The following PYROXD2 variants were observed in gnomAD, a reference collection of about 807,000 sequenced individuals.
PYROXD2 encodes pyridine nucleotide-disulphide oxidoreductase domain 2, also known as pyridine nucleotide-disulfide oxidoreductase domain-containing protein 2.
Under a neutral mutation model 71.1 loss-of-function variants are expected in PYROXD2, and 69 were observed. The observed-to-expected ratio is 0.97, with a 90% confidence interval of 0.80 to 1.19. PYROXD2 has a LOEUF of 1.19. PYROXD2 is among the 50% of genes most tolerant of loss of function. PYROXD2 has a pLI of 0.00. For synonymous variants in PYROXD2, 287 were observed against 302.7 expected, an observed-to-expected ratio of 0.95 and a Z score of 0.54; for missense variants, 745 against 748.9, an observed-to-expected ratio of 0.99 and a Z score of 0.06.
At chr10:98,411,072 G>A (rs968633243) in intron 1 of PYROXD2, 114 bp from the exon 2 acceptor site, 2 of 1,467,366 alleles carry the variant, frequency 1.4e-6, no homozygotes, top group Admixed American at 2.0e-5. Context: ...AAGATCCTTG[G>A]TGACCCTCCC....
intron 4 of PYROXD2, among the ~76,000 whole-genome samples, chr10:98,402,618 G>C (rs1843453017): frequency 1.3e-5 from 2 of 152,198 alleles, no homozygotes; most frequent in African/African-American, 4.8e-5. Flanking sequence ...GGCCTGTGCC[G>C]CCTCCAGTTT....
At chr10:98,395,520 G>A in intron 6 of PYROXD2, 68 bp from the exon 7 acceptor site, 5 of 1,398,090 alleles carry the variant, frequency 3.6e-6, no homozygotes, top group Non-Finnish European at 4.1e-6. Context: ...CCTGGCCTGG[G>A]GGATAAAAGC....
At chr10:98,413,788 T>C (rs757126457) in intron 1 of PYROXD2, among the ~76,000 whole-genome samples, 1 of 152,078 alleles carries the variant, frequency 6.6e-6, no homozygotes, top group Non-Finnish European at 1.5e-5. Context: ...TAAATCTTTG[T>C]TGTTTCATTT....
At chr10:98,397,315 T>A (rs769414603) in intron 6 of PYROXD2, 30 bp downstream of exon 6, 1 of 1,552,020 alleles carries the variant, frequency 6.4e-7, no homozygotes, top group African/African-American at 1.4e-5. Flanking sequence ...AGGTCACTCA[T>A]CATGCCCTGG....
Position 98,390,548 on chromosome 10 carries a change from C to A in PYROXD2, c.1292+50G>T, listed in dbSNP as rs756784147. ...TGGGTGGCATGGACAGCCCCGCCTC[C>A]CAGGCCCATGTGGAAGAACATCAGG... On this transcript the variant is annotated intron_variant, in intron 12 of 15. Coordinates refer to ENST00000370575, the MANE Select transcript of PYROXD2 (RefSeq NM_032709.3). 2.6e-6 allele frequency: 4 copies of A among 1,517,354 alleles called. No homozygotes were observed. The African/African-American group carries it at 5.5e-5, about 21-fold the overall frequency. The allele number at this position is 1,517,354 out of a possible 1,614,324, so 94.0% of individuals were successfully genotyped here.
At chr10:98,402,473 A>C (rs1843448096) in intron 4 of PYROXD2, among the ~76,000 whole-genome samples, 1 of 152,206 alleles carries the variant, frequency 6.6e-6, no homozygotes, top group South Asian at 2.1e-4. Context: ...AGACTCATTT[A>C]CTCCAGGGTC....
chr10:98,397,640 TC>T, intron 5 of PYROXD2, 142 bp from the exon 6 acceptor site: 1 of 1,040,160 alleles, frequency 9.6e-7, no homozygotes, highest in Non-Finnish European at 1.3e-6. Context: ...TCTGTTGAGC[TC>T]CCCCAGTTCC....
intron 4 of PYROXD2, among the ~76,000 whole-genome samples, chr10:98,403,478 T>C (rs1381466264): frequency 6.6e-6 from 1 of 152,224 alleles, no homozygotes; most frequent in African/African-American, 2.4e-5. Context: ...CACACCTCAC[T>C]GGCTTCTCGC....
At chr10:98,408,053 C>G in intron 2 of PYROXD2, 56 bp from the exon 3 acceptor site, 1 of 1,521,788 alleles carries the variant, frequency 6.6e-7, no homozygotes, top group Non-Finnish European at 8.9e-7. Flanking sequence ...AATGTCAGGG[C>G]TCCCTCGGGC....
chr10:98,397,313 C>T, intron 6 of PYROXD2, 32 bp downstream of exon 6: 1 of 1,548,518 alleles, frequency 6.5e-7, no homozygotes, highest in Non-Finnish European at 8.8e-7. Flanking sequence ...GAAGGTCACT[C>T]ATCATGCCCT....
chr10:98,404,637 C>G (rs1002627554), intron 4 of PYROXD2, among the ~76,000 whole-genome samples: 2 of 152,140 alleles, frequency 1.3e-5, no homozygotes, highest in African/African-American at 4.8e-5. Flanking sequence ...CATGCACAGT[C>G]ATCCTGGGTG....
chr10:98,394,372 C>T (rs1843070164), intron 8 of PYROXD2, among the ~76,000 whole-genome samples: 3 of 152,204 alleles, frequency 2.0e-5, no homozygotes, highest in African/African-American at 7.2e-5. Flanking sequence ...CCCCCATCTC[C>T]ATCGCCCTGG....
At chr10:98,410,415 C>T (rs943700192) in intron 2 of PYROXD2, among the ~76,000 whole-genome samples, 8 of 152,222 alleles carry the variant, frequency 5.3e-5, no homozygotes, top group African/African-American at 9.7e-5. Context: ...GTGTTGGGGA[C>T]AGGGCACAGG....
intron 12 of PYROXD2, among the ~76,000 whole-genome samples, chr10:98,388,738 C>T (rs1287474751): frequency 6.6e-6 from 1 of 151,956 alleles, no homozygotes; most frequent in Non-Finnish European, 1.5e-5. Flanking sequence ...CATGGCCTGT[C>T]CTTGCCTGCC....
In PYROXD2 at chr10:98,395,201, C is replaced by T. The variant is rs778881734; in HGVS notation, c.780G>A (p.Gly260=). 3 of 1,613,742 alleles carry T rather than the reference C, an allele frequency of 1.9e-6. No homozygotes were observed. Among genetic ancestry groups the T allele is most frequent in the Non-Finnish European group, 2.5e-6 (3 of 1,179,664 alleles). The part of the protein sequence containing the change: ...IGAMTSPHTP[G]SGYVLLHHVM... ...ACCTCACCCCCCTCACTCACCCACT[C>T]CCCGGAGTGTGGGGACTTGTCATGG... The change falls in exon 8 of 16, where the codon GGG becomes GGA. Residue 260 remains glycine (G), a synonymous_variant. Transcript: ENST00000370575.
chr10:98,398,740 C>T (rs1446365039), intron 5 of PYROXD2, among the ~76,000 whole-genome samples: 1 of 152,154 alleles, frequency 6.6e-6, no homozygotes, highest in East Asian at 1.9e-4. Context: ...GCAGAATCCC[C>T]TCAAGTGCCT....
chr10:98,394,203 G>T (rs570476274), intron 8 of PYROXD2, among the ~76,000 whole-genome samples: 2 of 152,132 alleles, frequency 1.3e-5, no homozygotes, highest in Non-Finnish European at 2.9e-5. Context: ...CATATTTGTT[G>T]GAAGAATTAA....
chr10:98,404,013 T>C (rs939377280), intron 4 of PYROXD2, among the ~76,000 whole-genome samples: 9 of 152,216 alleles, frequency 5.9e-5, no homozygotes, highest in African/African-American at 1.9e-4. Context: ...GAAACCTAAA[T>C]GGAGGCTCTT....
chr10:98,395,322 CT>C, intron 7 of PYROXD2, 29 bp from the exon 8 acceptor site: 1 of 1,613,956 alleles, frequency 6.2e-7, no homozygotes. Flanking sequence ...GAGAGAAGGG[CT>C]TAGGAGCCTG....
Sources: allele counts gnomAD v4.1 joint callset (sites outside exome capture counted in the v4.1 genomes callset), GRCh38; gene constraint gnomAD v4.1.1; transcripts MANE v1.5; gene names NCBI Gene and HGNC (gene_info 2026-07-23, HGNC 2026-07-21).